DNAJC13: variants seen among roughly 807,000 people sequenced by gnomAD.
DNAJC13 encodes DnaJ heat shock protein family (Hsp40) member C13.
DNAJC13 carries 75 observed loss-of-function variants against 290.5 expected under a neutral mutation model. The ratio of observed to expected loss-of-function variants is 0.26; its 90% CI spans 0.21 to 0.31. DNAJC13 has a LOEUF of 0.31. DNAJC13 is among the 10% of genes least tolerant of loss of function. The probability of loss-of-function intolerance (pLI) is 1.00; values close to 1 mark genes in which losing one functional copy is unlikely to be tolerated. For missense variants in DNAJC13, 2,260 were observed against 2,674.5 expected (o/e 0.85, Z 3.42); for synonymous variants, 862 against 892.0 (o/e 0.97, Z 0.60).
intron 34 of DNAJC13, among the ~76,000 whole-genome samples, chr3:132,494,477 T>G (rs1188543124): frequency 6.6e-6 from 1 of 152,204 alleles, no homozygotes; most frequent in Non-Finnish European, 1.5e-5. Context: ...GTACATTCAT[T>G]TCTCTATTAA....
rs147764795 is a variant in DNAJC13 at position 132,534,215 on chromosome 3, G to A, written c.6625+3118G>A. 5.4e-3 allele frequency among the ~76,000 whole-genome samples: 826 copies of A among 152,296 alleles called. 7 individuals carry two copies. The highest frequency in any genetic ancestry group is 0.018 in the African/African-American group (765 of 41,566). ...AAGGCCATTACTGAAGCCTGCAGACGTGTCCATGTAGAACAGTCTGGATAA... is the reference window on the plus strand; with the variant it reads ...AAGGCCATTACTGAAGCCTGCAGACATGTCCATGTAGAACAGTCTGGATAA... On this transcript the variant is annotated intron_variant, in intron 55 of 55. Transcript: ENST00000260818.
At chr3:132,422,481 A>G (rs1262652584) in intron 1 of DNAJC13, among the ~76,000 whole-genome samples, 3 of 152,210 alleles carry the variant, frequency 2.0e-5, no homozygotes, top group South Asian at 2.1e-4. Flanking sequence ...TAGCCCAACC[A>G]TTACTTTAGT....
chr3:132,418,579 ATTAT>A lies in DNAJC13; in HGVS notation c.-14+822_-14+825del, dbSNP rs375160984. 3.7e-4 allele frequency among the ~76,000 whole-genome samples: 56 copies of A among 152,180 alleles called. 1 individual carries two copies. In the East Asian group the frequency reaches 0.01, roughly 28 times the overall value. Reference sequence around the variant, plus strand: ...AATGTGGCGGTGGTCTCCCAAAGTAATTATTTCTCATTTTCCCTCTGCTTTTCCC... The same window carrying A: ...AATGTGGCGGTGGTCTCCCAAAGTAATTCTCATTTTCCCTCTGCTTTTCCC... On this transcript the variant is annotated intron_variant, in intron 1 of 55. Transcript: ENST00000260818.
chr3:132,507,379 CT>C (rs769227273), intron 43 of DNAJC13, 26 bp downstream of exon 43: 1 of 1,278,336 alleles, frequency 7.8e-7, no homozygotes, highest in South Asian at 1.2e-5. Flanking sequence ...TTAATTTTAC[CT>C]GATACCTTTG....
chr3:132,457,122 A>G (rs764147763), intron 12 of DNAJC13, 147 bp from the exon 13 acceptor site: 1 of 703,144 alleles, frequency 1.4e-6, no homozygotes, highest in South Asian at 2.3e-5. Context: ...AAAAACTATT[A>G]TGAAGACTGA....
chr3:132,508,614 G>A (rs912651929), intron 43 of DNAJC13, among the ~76,000 whole-genome samples: 22 of 152,118 alleles, frequency 1.4e-4, no homozygotes, highest in African/African-American at 4.6e-4. Flanking sequence ...GGCTATAATA[G>A]ACACTGGAGA....
intron 45 of DNAJC13, 66 bp downstream of exon 45, chr3:132,513,165 T>C (rs554042051): frequency 2.4e-5 from 32 of 1,313,806 alleles, no homozygotes; most frequent in South Asian, 2.3e-4. Flanking sequence ...TTTGAGTCTC[T>C]ATCAGTCATT....
intron 5 of DNAJC13, among the ~76,000 whole-genome samples, chr3:132,448,493 T>A (rs1374248517): frequency 6.6e-6 from 1 of 152,116 alleles, no homozygotes; most frequent in East Asian, 1.9e-4. Flanking sequence ...ACAGCAGCAT[T>A]TAAACTAAAT....
intron 1 of DNAJC13, among the ~76,000 whole-genome samples, chr3:132,420,245 A>T (rs1344069179): frequency 6.6e-6 from 1 of 152,252 alleles, no homozygotes; most frequent in African/African-American, 2.4e-5. Context: ...TGCTGTGCAG[A>T]TTGAGAGGGA....
intron 1 of DNAJC13, among the ~76,000 whole-genome samples, chr3:132,419,222 ATG>A (rs1366640570): frequency 1.3e-5 from 2 of 152,188 alleles, no homozygotes. Context: ...AGAAATAAGA[ATG>A]TAAAGAACCT....
intron 1 of DNAJC13, among the ~76,000 whole-genome samples, chr3:132,425,441 A>G (rs1228320138): frequency 2.6e-5 from 4 of 152,182 alleles, no homozygotes; most frequent in African/African-American, 9.7e-5. Flanking sequence ...AGATACCCAC[A>G]TGCCCACCTA....
intron 9 of DNAJC13, 150 bp downstream of exon 9, chr3:132,454,307 A>G (rs1215553971): frequency 2.3e-6 from 1 of 443,538 alleles, no homozygotes; most frequent in Non-Finnish European, 3.8e-6. Flanking sequence ...TGACCCTCCC[A>G]TTTTCAATTT....
At chr3:132,515,426 T>TTC (rs1935890711) in intron 46 of DNAJC13, among the ~76,000 whole-genome samples, 1 of 152,178 alleles carries the variant, frequency 6.6e-6, no homozygotes, top group Admixed American at 6.5e-5. Flanking sequence ...TAAATTGAGT[T>TTC]GAATTTCCAT....
At chr3:132,500,505 C>A (rs868255480) in intron 38 of DNAJC13, among the ~76,000 whole-genome samples, 2 of 152,132 alleles carry the variant, frequency 1.3e-5, no homozygotes, top group South Asian at 4.2e-4. Context: ...GACTTTTTTA[C>A]AGCCCTTTAA....
intron 9 of DNAJC13, among the ~76,000 whole-genome samples, chr3:132,454,755 G>A (rs976535051): frequency 1.6e-4 from 24 of 151,414 alleles, no homozygotes; most frequent in African/African-American, 5.6e-4. Flanking sequence ...CAATGGTTAT[G>A]TTTTTTTCCT....
intron 48 of DNAJC13, among the ~76,000 whole-genome samples, chr3:132,517,381 G>C (rs1935950712): frequency 6.6e-6 from 1 of 152,204 alleles, no homozygotes; most frequent in Non-Finnish European, 1.5e-5. Context: ...GTTCTGAATA[G>C]AATTTCATTC....
intron 55 of DNAJC13, among the ~76,000 whole-genome samples, chr3:132,534,754 C>T (rs1258217477): frequency 6.6e-6 from 1 of 152,210 alleles, no homozygotes; most frequent in Non-Finnish European, 1.5e-5. Context: ...GCCCTACATC[C>T]TCTAACTACA....
intron 35 of DNAJC13, among the ~76,000 whole-genome samples, chr3:132,495,674 C>G (rs1315627370): frequency 2.6e-5 from 4 of 152,090 alleles, no homozygotes; most frequent in Non-Finnish European, 1.5e-5. Context: ...TAAGAACCAC[C>G]TAAACCAGGA....
chr3:132,442,063 GT>G (rs1933089587), intron 2 of DNAJC13, among the ~76,000 whole-genome samples: 1 of 141,562 alleles, frequency 7.1e-6, no homozygotes, highest in Non-Finnish European at 1.5e-5. Context: ...AATACCTTAT[GT>G]AAAAAAAAAT....
Sources: gnomAD v4.1 joint callset for allele counts (sites outside exome capture counted in the v4.1 genomes callset) on GRCh38, gnomAD v4.1.1 for gene constraint, MANE v1.5 for transcripts, NCBI Gene and HGNC (gene_info 2026-07-23, HGNC 2026-07-21) for gene names.